The following STARD3NL variants were observed in gnomAD, a reference collection of about 807,000 sequenced individuals.
STARD3NL encodes STARD3 N-terminal like.
A neutral mutation model predicts 30.9 loss-of-function variants in STARD3NL; 17 were observed. That is an observed-to-expected ratio of 0.55 (90% CI 0.38 to 0.82). STARD3NL has a LOEUF of 0.82. STARD3NL is among the 40% of genes least tolerant of loss of function. The probability of loss-of-function intolerance (pLI) is 0.00; values close to 1 mark genes in which losing one functional copy is unlikely to be tolerated. For synonymous variants in STARD3NL, 112 were observed against 100.5 expected, an observed-to-expected ratio of 1.11 and a Z score of -0.69; for missense variants, 234 against 277.6, an observed-to-expected ratio of 0.84 and a Z score of 1.12.
At chr7:38,216,685 C>A (rs2116350898) in intron 4 of STARD3NL, 2 of 271,382 alleles carry the variant, frequency 7.4e-6, no homozygotes, top group East Asian at 1.4e-4. Flanking sequence ...CTGGCGAGAG[C>A]CCTACCTATG....
At position 38,207,662 on chromosome 7, in the gene STARD3NL, G is replaced by A. The variant is rs770608944; in HGVS notation, c.158G>A (p.Arg53Lys). 1 of 1,613,950 alleles carries A rather than the reference G, an allele frequency of 6.2e-7. No homozygotes were observed. The highest frequency in any genetic ancestry group is 8.5e-7 in the Non-Finnish European group (1 of 1,179,976). The stretch of plus-strand genomic sequence containing the variant: ...AAGAAAGGCATATCTGATGTCAGGA[G>A]GACTTTCTGTTTGTTTGTCACCTTT... ...REKKGISDVRRTFCLFVTFDL... is the reference protein window; with the variant it reads ...REKKGISDVRKTFCLFVTFDL... Residue 53 changes from arginine (R) to lysine (K), a missense_variant, in exon 2 of 9, where the codon AGG (arginine) becomes AAG (lysine). Physicochemically the swap from Arg to Lys is conservative, Grantham distance 26. Coordinates refer to ENST00000009041, the MANE Select transcript of STARD3NL (RefSeq NM_032016.4).
rs201646123 is a variant in STARD3NL at position 38,190,010 on chromosome 7, A to G, written c.-59+11590A>G. Among the ~76,000 whole-genome samples, 25 of 152,300 alleles carry G rather than the reference A, an allele frequency of 1.6e-4. No homozygotes were observed. The East Asian group carries it at 4.6e-3, about 28-fold the overall frequency. On this transcript the variant is annotated intron_variant, in intron 1 of 8. Transcript: ENST00000009041. ...AAGTTGGTCTCATGATTTTTTTGCC[A>G]TGAAAATTTGCCTTTGCTTTCTTTG...
chr7:38,193,762 T>G (rs570782886), intron 1 of STARD3NL, among the ~76,000 whole-genome samples: 1 of 152,344 alleles, frequency 6.6e-6, no homozygotes, highest in South Asian at 2.1e-4. Flanking sequence ...GTGAGGAAGC[T>G]CTATTCATTT....
chr7:38,208,665 T>A (rs192203463), intron 2 of STARD3NL, among the ~76,000 whole-genome samples: 2 of 152,214 alleles, frequency 1.3e-5, no homozygotes, highest in African/African-American at 4.8e-5. Context: ...TTCCAGGAAA[T>A]GTTTGCTAAG....
intron 7 of STARD3NL, among the ~76,000 whole-genome samples, chr7:38,226,650 TCTC>T (rs1786786660): frequency 6.6e-6 from 1 of 152,138 alleles, no homozygotes; most frequent in Admixed American, 6.6e-5. Flanking sequence ...CTCTCTTGGG[TCTC>T]CTCTGTGCAT....
chr7:38,205,578 A>G (rs1785415065), intron 1 of STARD3NL, among the ~76,000 whole-genome samples: 1 of 152,176 alleles, frequency 6.6e-6, no homozygotes, highest in African/African-American at 2.4e-5. Context: ...TTTCTAATTG[A>G]TACTATTATA....
chr7:38,223,956 T>C (rs1262498858), intron 7 of STARD3NL, among the ~76,000 whole-genome samples: 2 of 152,226 alleles, frequency 1.3e-5, no homozygotes, highest in African/African-American at 2.4e-5. Flanking sequence ...TCATTTGCAG[T>C]TAATCCCCAC....
At chr7:38,227,410 T>C (rs971160245) in intron 7 of STARD3NL, among the ~76,000 whole-genome samples, 14 of 152,214 alleles carry the variant, frequency 9.2e-5, no homozygotes, top group Admixed American at 8.5e-4. Flanking sequence ...ACCTATTCAT[T>C]TTACTACAAA....
At chr7:38,188,742 A>G (rs1784563459) in intron 1 of STARD3NL, among the ~76,000 whole-genome samples, 1 of 152,228 alleles carries the variant, frequency 6.6e-6, no homozygotes, top group Admixed American at 6.5e-5. Flanking sequence ...ATTGATATGC[A>G]TTTACCCAGC....
chr7:38,197,136 TTTTCTTTCTTTCTTTCTTTCTTTCTTTC>T (rs56319128), intron 1 of STARD3NL, among the ~76,000 whole-genome samples: 1 of 112,276 alleles, frequency 8.9e-6, no homozygotes. Context: ...GCATTACCTT[TTTTCTTTCTTTCTTTCTTTCTTTCTTTC>T]TTTCTTTCTT....
At chr7:38,200,445 G>A (rs1400098326) in intron 1 of STARD3NL, among the ~76,000 whole-genome samples, 3 of 104,462 alleles carry the variant, frequency 2.9e-5, no homozygotes, top group East Asian at 5.6e-4. Context: ...CAGGCTAAAC[G>A]TTCTATGTGT....
Position 38,214,443 on chromosome 7 carries a change from T to A in STARD3NL, c.303+9T>A. 6.4e-7 allele frequency: 1 copy of A among 1,552,046 alleles called. No homozygotes were observed. The highest frequency in any genetic ancestry group is 8.9e-7 in the Non-Finnish European group (1 of 1,128,252). ...CATATTTTGATATATTTGTAAGTAT[T>A]TTTTATGTTTCATTTCAGATGTGAT... On this transcript the variant is annotated intron_variant, in intron 3 of 8. Transcript: ENST00000009041.
chr7:38,215,182 G>A, intron 4 of STARD3NL, 77 bp downstream of exon 4: 1 of 1,388,914 alleles, frequency 7.2e-7, no homozygotes, highest in South Asian at 1.2e-5. Flanking sequence ...GCCTGGGCTG[G>A]GAGAAGATAC....
At chr7:38,228,349 A>C (rs192647033) in intron 7 of STARD3NL, among the ~76,000 whole-genome samples, 1 of 152,332 alleles carries the variant, frequency 6.6e-6, no homozygotes, top group Non-Finnish European at 1.5e-5. Context: ...ACATTGATCC[A>C]GAAGGGCCAG....
intron 4 of STARD3NL, 172 bp from the exon 5 acceptor site, chr7:38,216,853 C>T: frequency 1.5e-6 from 1 of 664,376 alleles, no homozygotes; most frequent in South Asian, 2.1e-5. Context: ...CCCATTTTGC[C>T]CCAGTGTGGG....
intron 7 of STARD3NL, among the ~76,000 whole-genome samples, chr7:38,220,007 G>A (rs1318417408): frequency 6.6e-6 from 1 of 152,178 alleles, no homozygotes; most frequent in African/African-American, 2.4e-5. Flanking sequence ...GCACTGTCCA[G>A]CCAGTTGCCC....
intron 1 of STARD3NL, among the ~76,000 whole-genome samples, chr7:38,197,939 A>C (rs1217965540): frequency 6.6e-6 from 1 of 152,142 alleles, no homozygotes; most frequent in East Asian, 1.9e-4. Flanking sequence ...TGTGTCATTA[A>C]CCAGGTCTCA....
At chr7:38,207,222 T>C (rs181099923) in intron 1 of STARD3NL, among the ~76,000 whole-genome samples, 2 of 152,312 alleles carry the variant, frequency 1.3e-5, no homozygotes, top group South Asian at 4.1e-4. Context: ...TCAGTTTGCT[T>C]CTTCTCTCTT....
intron 7 of STARD3NL, among the ~76,000 whole-genome samples, chr7:38,227,972 C>T (rs1201495517): frequency 1.3e-5 from 2 of 151,856 alleles, no homozygotes; most frequent in African/African-American, 2.4e-5. Context: ...ATAAAAGTTA[C>T]GTGGTTATTT....
Sources: allele counts gnomAD v4.1 joint callset (sites outside exome capture counted in the v4.1 genomes callset), GRCh38; gene constraint gnomAD v4.1.1; transcripts MANE v1.5; gene names NCBI Gene and HGNC (gene_info 2026-07-23, HGNC 2026-07-21).